The following EXOC4 variants were observed in gnomAD, a reference collection of about 807,000 sequenced individuals.
EXOC4 encodes the protein exocyst complex component 4.
Under a neutral mutation model 107.2 loss-of-function variants are expected in EXOC4, and 71 were observed. That is an observed-to-expected ratio of 0.66 (90% CI 0.55 to 0.81). EXOC4 has a LOEUF of 0.81. EXOC4 is among the 30% of genes least tolerant of loss of function. The pLI, the probability that EXOC4 is intolerant of heterozygous loss-of-function variation, is 0.00. For synonymous variants in EXOC4, 456 were observed against 441.2 expected, an observed-to-expected ratio of 1.03 and a Z score of -0.42; for missense variants, 1,108 against 1,189.6, an observed-to-expected ratio of 0.93 and a Z score of 1.01.
At chr7:133,912,938 G>T (rs10808273) in intron 12 of EXOC4, among the ~76,000 whole-genome samples, 1 of 151,778 alleles carries the variant, frequency 6.6e-6, no homozygotes, top group African/African-American at 2.4e-5. Context: ...AAAATAGCTT[G>T]CCCAAGTGAT....
At chr7:133,506,795 G>A in intron 9 of EXOC4, among the ~76,000 whole-genome samples, 1 of 151,958 alleles carries the variant, frequency 6.6e-6, no homozygotes, top group East Asian at 1.9e-4. Context: ...TGATTAGAGT[G>A]TGTACCTGAT....
intron 9 of EXOC4, among the ~76,000 whole-genome samples, chr7:133,581,991 T>A (rs1057460215): frequency 2.0e-5 from 3 of 152,030 alleles, no homozygotes; most frequent in Non-Finnish European, 2.9e-5. Context: ...TCCGTCACTA[T>A]CATGAGAACA....
chr7:133,289,243 GAA>G (rs1249699639), intron 3 of EXOC4, 127 bp downstream of exon 3: 1 of 725,744 alleles, frequency 1.4e-6, no homozygotes, highest in Non-Finnish European at 2.2e-6. Flanking sequence ...ATGAGCCCTT[GAA>G]GGTGAAGCCT....
intron 7 of EXOC4, among the ~76,000 whole-genome samples, chr7:133,430,901 G>A (rs1286503583): frequency 6.6e-6 from 1 of 152,122 alleles, no homozygotes; most frequent in African/African-American, 2.4e-5. Flanking sequence ...TCTTTCTACT[G>A]GAATGGAAAA....
intron 7 of EXOC4, among the ~76,000 whole-genome samples, chr7:133,436,906 A>G (rs1478096627): frequency 3.3e-5 from 5 of 152,144 alleles, no homozygotes; most frequent in Non-Finnish European, 5.9e-5. Flanking sequence ...CTGGAGGCAT[A>G]TAATTTTATA....
In EXOC4 at chr7:134,004,923, T is replaced by G. The variant is rs767815009; in HGVS notation, c.2360T>G (p.Phe787Cys). ...VLHLEVRVHC[F>C]HYLIPLAKEG... ...TCTCTCTTTTTCAGGGTTCACTGTTTCCACTATCTTATCCCTCTTGCAAAG... is the reference window on the plus strand; with the variant it reads ...TCTCTCTTTTTCAGGGTTCACTGTTGCCACTATCTTATCCCTCTTGCAAAG... Residue 787 changes from phenylalanine to cysteine, a missense_variant, in exon 16 of 18, where the codon TTC (phenylalanine) becomes TGC (cysteine). Transcript: ENST00000253861. 1 of 1,612,262 alleles carries G rather than the reference T, an allele frequency of 6.2e-7. No homozygotes were observed. The highest frequency in any genetic ancestry group is 2.2e-5 in the East Asian group (1 of 44,854).
At chr7:133,997,360 G>A (rs989005036) in intron 14 of EXOC4, 132 bp from the exon 15 acceptor site, 3 of 856,382 alleles carry the variant, frequency 3.5e-6, no homozygotes, top group Non-Finnish European at 5.4e-6. Flanking sequence ...ATCATGTCTT[G>A]GACTTCTAAT....
downstream of EXOC4, among the ~76,000 whole-genome samples, chr7:134,070,941 A>G (rs1796266668): frequency 6.6e-6 from 1 of 152,114 alleles, no homozygotes; most frequent in African/African-American, 2.4e-5. Context: ...TCTCATCCCA[A>G]ACTGATTTAA....
intron 17 of EXOC4, among the ~76,000 whole-genome samples, chr7:134,052,607 A>T (rs6955208): frequency 0.42 from 63,254 of 151,568 alleles, 13,746 homozygotes; most frequent in East Asian, 0.61. Context: ...CAAAGTTAGC[A>T]GTTAGTTTTA....
At chr7:133,718,095 G>T (rs1241323585) in intron 10 of EXOC4, among the ~76,000 whole-genome samples, 1 of 152,178 alleles carries the variant, frequency 6.6e-6, no homozygotes, top group Non-Finnish European at 1.5e-5. Flanking sequence ...GTTCAACACT[G>T]ATTGCCCGCC....
intron 7 of EXOC4, among the ~76,000 whole-genome samples, chr7:133,389,109 A>C (rs1796794114): frequency 6.6e-6 from 1 of 152,206 alleles, no homozygotes; most frequent in Admixed American, 6.5e-5. Context: ...AGCAGTGTGC[A>C]AAATGAATTG....
chr7:133,592,147 A>G (rs1563119604), intron 9 of EXOC4, among the ~76,000 whole-genome samples: 1 of 152,018 alleles, frequency 6.6e-6, no homozygotes, highest in South Asian at 2.1e-4. Context: ...CTGTAGCTTC[A>G]AACTCCTGTG....
chr7:133,928,272 G>T (rs1453703838), intron 13 of EXOC4, among the ~76,000 whole-genome samples: 2 of 152,122 alleles, frequency 1.3e-5, no homozygotes, highest in African/African-American at 4.8e-5. Flanking sequence ...TGTGGTGGTG[G>T]GCAGGATGCC....
chr7:133,425,343 A>G (rs1797699798), intron 7 of EXOC4, among the ~76,000 whole-genome samples: 1 of 152,152 alleles, frequency 6.6e-6, no homozygotes, highest in Non-Finnish European at 1.5e-5. Flanking sequence ...GCTGGAGTGC[A>G]ATGGCGCAAT....
chr7:133,467,134 C>T (rs1167162331), intron 7 of EXOC4, among the ~76,000 whole-genome samples: 9 of 152,016 alleles, frequency 5.9e-5, no homozygotes, highest in East Asian at 1.9e-4. Flanking sequence ...CTATGAAACC[C>T]ATTTTTCATG....
chr7:133,437,450 C>G (rs184321050), intron 7 of EXOC4, among the ~76,000 whole-genome samples: 1 of 152,288 alleles, frequency 6.6e-6, no homozygotes, highest in African/African-American at 2.4e-5. Context: ...ACTATTTGCT[C>G]TAAACTTCAG....
intron 9 of EXOC4, among the ~76,000 whole-genome samples, chr7:133,565,330 G>A (rs995150509): frequency 1.4e-4 from 21 of 152,090 alleles, no homozygotes; most frequent in Admixed American, 1.3e-3. Flanking sequence ...TCTCCTCATG[G>A]GGTTATGATC....
chr7:133,397,579 G>T (rs1156378487), intron 7 of EXOC4, among the ~76,000 whole-genome samples: 2 of 152,030 alleles, frequency 1.3e-5, no homozygotes, highest in African/African-American at 2.4e-5. Flanking sequence ...ATGTCATAAA[G>T]AATTAATATT....
At chr7:133,355,051 A>T (rs554506018) in intron 5 of EXOC4, among the ~76,000 whole-genome samples, 3 of 152,290 alleles carry the variant, frequency 2.0e-5, no homozygotes, top group Admixed American at 1.3e-4. Context: ...TGGATTTCAC[A>T]TCATCTGAAG....
Sources: allele counts gnomAD v4.1 joint callset (sites outside exome capture counted in the v4.1 genomes callset), GRCh38; gene constraint gnomAD v4.1.1; transcripts MANE v1.5; gene names NCBI Gene and HGNC (gene_info 2026-07-23, HGNC 2026-07-21).